The following MTUS2 variants were observed in gnomAD, a reference collection of about 807,000 sequenced individuals.
MTUS2 encodes the protein microtubule-associated tumor suppressor candidate 2.
In MTUS2, 40 loss-of-function variants were observed where a neutral mutation model predicts 114.1. The ratio of observed to expected loss-of-function variants is 0.35; its 90% CI spans 0.27 to 0.46. MTUS2 has a LOEUF of 0.46. MTUS2 is among the 20% of genes least tolerant of loss of function. MTUS2 has a pLI of 1.00. For synonymous variants in MTUS2, 688 were observed against 672.0 expected (o/e 1.02, Z -0.37); for missense variants, 1,679 against 1,705.4 (o/e 0.98, Z 0.27).
At chr13:29,447,107 A>G (rs989295652) in intron 9 of MTUS2, among the ~76,000 whole-genome samples, 5 of 148,780 alleles carry the variant, frequency 3.4e-5, no homozygotes, top group East Asian at 1.9e-4. Context: ...GTATAATGCA[A>G]ATATTCCAAA....
chr13:29,434,643 G>A (rs1304616607), intron 8 of MTUS2, among the ~76,000 whole-genome samples: 2 of 152,228 alleles, frequency 1.3e-5, no homozygotes, highest in Non-Finnish European at 2.9e-5. Context: ...GGTGGCTGAT[G>A]CCCAAGCAGA....
chr13:28,991,190 A>G (rs1192171728), intron 2 of MTUS2, among the ~76,000 whole-genome samples: 5 of 152,186 alleles, frequency 3.3e-5, no homozygotes, highest in Non-Finnish European at 7.3e-5. Context: ...GACTGCTGCT[A>G]TGTTAAGGTA....
chr13:29,477,665 C>T (rs1880805030), intron 9 of MTUS2, among the ~76,000 whole-genome samples: 1 of 152,140 alleles, frequency 6.6e-6, no homozygotes. Flanking sequence ...TATTAGCAGA[C>T]AAGCAAAATG....
At chr13:29,119,440 CA>C (rs34392111) in intron 5 of MTUS2, among the ~76,000 whole-genome samples, 1 of 152,022 alleles carries the variant, frequency 6.6e-6, no homozygotes, top group Admixed American at 6.6e-5. Flanking sequence ...GCATATATGA[CA>C]AAAAGTTTTC....
intron 5 of MTUS2, among the ~76,000 whole-genome samples, chr13:29,255,846 C>T (rs954183146): frequency 2.0e-5 from 3 of 152,174 alleles, no homozygotes; most frequent in African/African-American, 7.2e-5. Flanking sequence ...TTTCTGGACA[C>T]GCTGCATTGA....
At chr13:29,015,162 GT>G (rs1441843960) in intron 2 of MTUS2, among the ~76,000 whole-genome samples, 1 of 152,204 alleles carries the variant, frequency 6.6e-6, no homozygotes, top group African/African-American at 2.4e-5. Context: ...TATAATTGAG[GT>G]GGTGGGAGTT....
chr13:29,374,660 G>T (rs1871442386), intron 8 of MTUS2, among the ~76,000 whole-genome samples: 1 of 152,214 alleles, frequency 6.6e-6, no homozygotes, highest in Non-Finnish European at 1.5e-5. Context: ...CACTTTGGGA[G>T]GCCAAGGTGG....
intron 5 of MTUS2, among the ~76,000 whole-genome samples, chr13:29,241,659 C>T (rs112343422): frequency 6.6e-6 from 1 of 152,164 alleles, no homozygotes; most frequent in Admixed American, 6.5e-5. Context: ...TTTGTTCTTG[C>T]AAGTTCATCA....
At chr13:29,413,256 T>C (rs891501981) in intron 8 of MTUS2, among the ~76,000 whole-genome samples, 15 of 152,306 alleles carry the variant, frequency 9.8e-5, no homozygotes, top group African/African-American at 3.4e-4. Flanking sequence ...TTTTTAAAGC[T>C]CAAGGGCAAT....
chr13:29,241,611 C>T (rs1326313302), intron 5 of MTUS2, among the ~76,000 whole-genome samples: 1 of 152,170 alleles, frequency 6.6e-6, no homozygotes, highest in Admixed American at 6.5e-5. Flanking sequence ...TCAAAAATCA[C>T]ATGCTACATT....
chr13:29,097,682 C>G (rs1890236113), intron 4 of MTUS2, among the ~76,000 whole-genome samples: 2 of 152,154 alleles, frequency 1.3e-5, no homozygotes, highest in Non-Finnish European at 2.9e-5. Context: ...AGACCACCAT[C>G]TTCTCATTAT....
intron 4 of MTUS2, among the ~76,000 whole-genome samples, chr13:29,096,848 G>A (rs1052774148): frequency 1.3e-5 from 2 of 152,142 alleles, no homozygotes; most frequent in African/African-American, 4.8e-5. Context: ...TTTCTCTCAA[G>A]TGTTGAACTT....
chr13:29,404,191 AAG>A (rs1491320261), intron 8 of MTUS2, among the ~76,000 whole-genome samples: 9 of 150,932 alleles, frequency 6.0e-5, no homozygotes, highest in African/African-American at 1.7e-4. Flanking sequence ...AAAAAAAAAA[AAG>A]TACAAAAATT....
intron 6 of MTUS2, among the ~76,000 whole-genome samples, chr13:29,305,825 A>G (rs1397606575): frequency 6.6e-6 from 1 of 152,216 alleles, no homozygotes; most frequent in Admixed American, 6.5e-5. Flanking sequence ...CCTGGCAGAG[A>G]TACAGCAAAA....
At position 28,956,891 on chromosome 13, in the gene MTUS2, C is replaced by T. The variant is rs376365874; in HGVS notation, c.-242-67566C>T. On this transcript the variant is annotated intron_variant, in intron 2 of 15. Coordinates refer to ENST00000612955, the MANE Select transcript of MTUS2 (RefSeq NM_001033602.4). ...AGCTGGTGGAAAGAAAGTGTGATGG[C>T]GACAGAGGGAAGAAGGCTGCCCTCG... 2.3e-4 allele frequency among the ~76,000 whole-genome samples: 31 copies of T among 134,366 alleles called. No homozygotes were observed. In the South Asian group the frequency reaches 6.2e-3, roughly 27 times the overall value. The allele number at this position is 134,366 out of a possible 152,430, so 88.1% of individuals were successfully genotyped here.
chr13:28,855,563 T>C (rs1266808278), intron 2 of MTUS2, among the ~76,000 whole-genome samples: 2 of 152,180 alleles, frequency 1.3e-5, no homozygotes, highest in African/African-American at 2.4e-5. Context: ...CTGAGGATAA[T>C]GGCTTCCAGC....
At chr13:29,382,070 TC>T (rs1226807911) in intron 8 of MTUS2, among the ~76,000 whole-genome samples, 1 of 152,080 alleles carries the variant, frequency 6.6e-6, no homozygotes, top group African/African-American at 2.4e-5. Context: ...GAGGAATCGA[TC>T]AAGTCACCAT....
intron 9 of MTUS2, among the ~76,000 whole-genome samples, chr13:29,452,899 A>G (rs1234757541): frequency 6.6e-6 from 1 of 152,168 alleles, no homozygotes; most frequent in African/African-American, 2.4e-5. Context: ...GGACTCCATA[A>G]ATCTAATATT....
At chr13:29,068,375 CTCCG>C (rs1054140277) in intron 4 of MTUS2, among the ~76,000 whole-genome samples, 22 of 151,782 alleles carry the variant, frequency 1.4e-4, no homozygotes, top group African/African-American at 5.3e-4. Flanking sequence ...TCCAAGTTTC[CTCCG>C]TCTACACCCA....
Sources: gnomAD v4.1 joint callset for allele counts (sites outside exome capture counted in the v4.1 genomes callset) on GRCh38, gnomAD v4.1.1 for gene constraint, MANE v1.5 for transcripts, NCBI Gene and HGNC (gene_info 2026-07-23, HGNC 2026-07-21) for gene names.